FER: variants seen among roughly 807,000 people sequenced by gnomAD.
The protein encoded by FER is FER tyrosine kinase, also known as tyrosine-protein kinase Fer.
In FER, 63 loss-of-function variants were observed where a neutral mutation model predicts 111.0. The ratio of observed to expected loss-of-function variants is 0.57; its 90% confidence interval spans 0.46 to 0.70. The LOEUF (loss-of-function observed/expected upper bound fraction) is 0.70. FER is among the 30% of genes least tolerant of loss of function. The pLI is 0.00. For synonymous variants in FER, 327 were observed against 313.9 expected, an observed-to-expected ratio of 1.04 and a Z score of -0.44; for missense variants, 914 against 954.0, an observed-to-expected ratio of 0.96 and a Z score of 0.55.
chr5:108,914,494 C>T (rs1045674584), intron 10 of FER, among the ~76,000 whole-genome samples: 6 of 152,100 alleles, frequency 3.9e-5, no homozygotes, highest in Admixed American at 2.0e-4. Context: ...CTTCAGATCT[C>T]TTGTGGTTGA....
intron 17 of FER, among the ~76,000 whole-genome samples, chr5:109,159,483 G>T (rs79279612): frequency 0.01 from 1,580 of 152,262 alleles, 23 homozygotes; most frequent in African/African-American, 0.036. Flanking sequence ...ATGGCAATTT[G>T]AAGTAGTTAT....
chr5:109,011,520 A>G (rs1766266336), intron 13 of FER, among the ~76,000 whole-genome samples: 1 of 152,070 alleles, frequency 6.6e-6, no homozygotes, highest in African/African-American at 2.4e-5. Flanking sequence ...GCCATTTGTA[A>G]TATTTCCTTT....
At chr5:108,926,294 G>A (rs1477820461) in intron 10 of FER, among the ~76,000 whole-genome samples, 1 of 149,798 alleles carries the variant, frequency 6.7e-6, no homozygotes, top group African/African-American at 2.5e-5. Context: ...CTTTTTATTT[G>A]TTATTTTTGA....
intron 3 of FER, chr5:108,819,831 T>G: frequency 3.0e-6 from 3 of 985,324 alleles, no homozygotes; most frequent in Non-Finnish European, 3.6e-6. Flanking sequence ...GAGTAAGAAC[T>G]GAGTTTTAAT....
intron 10 of FER, among the ~76,000 whole-genome samples, chr5:108,903,314 A>G (rs750425412): frequency 6.6e-5 from 10 of 152,334 alleles, no homozygotes; most frequent in Admixed American, 2.0e-4. Context: ...GAGCAGCAGT[A>G]TCAGTAAAAT....
intron 17 of FER, among the ~76,000 whole-genome samples, chr5:109,146,383 G>A: frequency 6.8e-6 from 1 of 146,218 alleles, no homozygotes. Context: ...AGCACAAGTA[G>A]AAATCCCCTC....
chr5:108,955,260 G>T (rs2149656312), intron 12 of FER, among the ~76,000 whole-genome samples: 1 of 151,706 alleles, frequency 6.6e-6, no homozygotes, highest in East Asian at 1.9e-4. Context: ...TTTTTTTCTA[G>T]AGAAACTTAA....
At chr5:109,112,290 AAAC>A (rs1232374199) in intron 17 of FER, among the ~76,000 whole-genome samples, 1 of 152,208 alleles carries the variant, frequency 6.6e-6, no homozygotes, top group Non-Finnish European at 1.5e-5. Flanking sequence ...AATGAAAAGA[AAAC>A]AAAGATAGCT....
intron 5 of FER, among the ~76,000 whole-genome samples, chr5:108,842,065 T>C (rs1428163412): frequency 6.6e-6 from 1 of 152,214 alleles, no homozygotes; most frequent in Non-Finnish European, 1.5e-5. Flanking sequence ...TGATGTTCTC[T>C]TTATTTTTGC....
intron 15 of FER, among the ~76,000 whole-genome samples, chr5:109,045,013 A>T (rs1327119392): frequency 1.3e-5 from 2 of 152,112 alleles, no homozygotes; most frequent in South Asian, 4.1e-4. Flanking sequence ...TCAAGTTCTT[A>T]AAATGTTAAG....
At chr5:108,812,717 C>T (rs1217120216) in intron 3 of FER, among the ~76,000 whole-genome samples, 1 of 151,834 alleles carries the variant, frequency 6.6e-6, no homozygotes, top group East Asian at 1.9e-4. Context: ...TGAATTATTG[C>T]CTATAAATGT....
chr5:109,017,252 G>A (rs1767270665), intron 13 of FER, among the ~76,000 whole-genome samples: 1 of 151,632 alleles, frequency 6.6e-6, no homozygotes, highest in Admixed American at 6.6e-5. Context: ...AATATCCCTA[G>A]ATTTATTCAA....
intron 13 of FER, among the ~76,000 whole-genome samples, chr5:109,024,854 CA>C (rs1768457783): frequency 6.6e-6 from 1 of 151,748 alleles, no homozygotes; most frequent in East Asian, 1.9e-4. Context: ...CCAGTTTTCC[CA>C]GCACCATTTA....
chr5:108,874,569 T>A (rs1311666918), intron 8 of FER, among the ~76,000 whole-genome samples: 1 of 151,798 alleles, frequency 6.6e-6, no homozygotes, highest in Admixed American at 6.6e-5. Context: ...CCATTAAAAC[T>A]GTATGTATTT....
chr5:108,855,403 C>T (rs974039583), intron 5 of FER, among the ~76,000 whole-genome samples: 7 of 151,738 alleles, frequency 4.6e-5, no homozygotes, highest in Non-Finnish European at 7.4e-5. Context: ...GAGGCCGAGG[C>T]GGGCAGATGA....
intron 16 of FER, among the ~76,000 whole-genome samples, chr5:109,065,667 G>A: frequency 6.6e-6 from 1 of 152,122 alleles, no homozygotes; most frequent in East Asian, 1.9e-4. Context: ...AATTCATTAT[G>A]AAGGATTACA....
At chr5:109,100,665 G>A in intron 17 of FER, 146 bp downstream of exon 17, 1 of 790,722 alleles carries the variant, frequency 1.3e-6, no homozygotes, top group South Asian at 1.9e-5. Context: ...TCCTCTGCTA[G>A]TTGTTTATAT....
chr5:108,996,108 G>A (rs191601042), intron 13 of FER, among the ~76,000 whole-genome samples: 3 of 152,186 alleles, frequency 2.0e-5, no homozygotes, highest in African/African-American at 7.2e-5. Context: ...CTTTTTGAAG[G>A]AGTTGTTTTT....
At chr5:109,068,471 C>T (rs889998015) in intron 16 of FER, among the ~76,000 whole-genome samples, 2 of 152,108 alleles carry the variant, frequency 1.3e-5, no homozygotes, top group East Asian at 1.9e-4. Context: ...TGTGAGCCAC[C>T]GTGCCCGTTG....
Sources: gnomAD v4.1 joint callset for allele counts (sites outside exome capture counted in the v4.1 genomes callset) on GRCh38, gnomAD v4.1.1 for gene constraint, MANE v1.5 for transcripts, NCBI Gene and HGNC (gene_info 2026-07-23, HGNC 2026-07-21) for gene names.